RSPH3: variants seen among roughly 807,000 people sequenced by gnomAD.
RSPH3 encodes radial spoke head protein 3 homolog.
A neutral mutation model predicts 43.8 loss-of-function variants in RSPH3; 21 were observed. That is an observed-to-expected ratio of 0.48 (90% CI 0.34 to 0.69). The LOEUF is 0.69. RSPH3 is among the 30% of genes least tolerant of loss of function. RSPH3 has a pLI of 0.01. For missense variants in RSPH3, 487 were observed against 516.0 expected, an observed-to-expected ratio of 0.94 and a Z score of 0.54; for synonymous variants, 173 against 179.8, an observed-to-expected ratio of 0.96 and a Z score of 0.30.
At chr6:158,993,339 A>G (rs962825811) in intron 2 of RSPH3, among the ~76,000 whole-genome samples, 1 of 150,074 alleles carries the variant, frequency 6.7e-6, no homozygotes, top group Non-Finnish European at 1.5e-5. Context: ...AATGGTCTTG[A>G]TCTCCTGACC....
intron 1 of RSPH3, among the ~76,000 whole-genome samples, chr6:158,997,669 A>T (rs1273424919): frequency 1.3e-5 from 2 of 152,194 alleles, no homozygotes; most frequent in African/African-American, 2.4e-5. Flanking sequence ...ATCAACTATC[A>T]AAAAAGTTGT....
intron 3 of RSPH3, among the ~76,000 whole-genome samples, chr6:158,985,916 C>T (rs547693572): frequency 2.0e-5 from 3 of 151,080 alleles, no homozygotes; most frequent in African/African-American, 4.9e-5. Flanking sequence ...CGGGTTCAAG[C>T]GATTCTCCTG....
Position 158,992,050 on chromosome 6 carries a change from G to GTTTT in RSPH3, c.204+1785_204+1788dup, listed in dbSNP as rs1214613827. Among the ~76,000 whole-genome samples the GTTTT allele has an allele frequency of 6.6e-4, 75 of 113,790 alleles. 1 individual carries two copies. Among genetic ancestry groups the GTTTT allele is most frequent in the East Asian group, 2.1e-3 (8 of 3,740 alleles). The allele number at this position is 113,790 out of a possible 152,430, so 74.7% of individuals were successfully genotyped here. The stretch of plus-strand genomic sequence containing the variant: ...TCCCAACTGTAGGCTAATGAGCACT[G>GTTTT]TTTTTTTTTTTTTTTTTTTTGTAGA... On this transcript the variant is annotated intron_variant, in intron 2 of 7. Transcript: ENST00000367069.
At chr6:158,982,045 G>A (rs1778048018) in intron 5 of RSPH3, among the ~76,000 whole-genome samples, 2 of 152,034 alleles carry the variant, frequency 1.3e-5, no homozygotes, top group African/African-American at 2.4e-5. Flanking sequence ...CCTGGTCACC[G>A]AGAAAAAGAA....
chr6:158,967,063 G>C, the RSPH3 span, among the ~76,000 whole-genome samples: 2 of 151,686 alleles, frequency 1.3e-5, no homozygotes, highest in African/African-American at 4.9e-5. Flanking sequence ...AAGCTGGAGT[G>C]CAGTGGTATG....
At chr6:158,966,204 T>C in the RSPH3 span, among the ~76,000 whole-genome samples, 3 of 152,190 alleles carry the variant, frequency 2.0e-5, no homozygotes, top group Non-Finnish European at 4.4e-5. Context: ...TCCCACTTGG[T>C]CATCCTTTTC....
the RSPH3 span, among the ~76,000 whole-genome samples, chr6:158,965,635 T>A: frequency 6.6e-6 from 1 of 152,150 alleles, no homozygotes; most frequent in South Asian, 2.1e-4. Context: ...ATTGATTTTG[T>A]GGTCTGCAAA....
At chr6:158,995,635 C>A (rs141456028) in intron 1 of RSPH3, among the ~76,000 whole-genome samples, 2,727 of 152,222 alleles carry the variant, frequency 0.018, 35 homozygotes, top group Non-Finnish European at 0.024. Flanking sequence ...CACTCTGTCA[C>A]CCAGGCTGGA....
the RSPH3 span, among the ~76,000 whole-genome samples, chr6:158,967,202 C>T: frequency 6.6e-6 from 1 of 151,836 alleles, no homozygotes; most frequent in East Asian, 1.9e-4. Context: ...TTTGTAGAAA[C>T]AGGGTTTTGC....
chr6:158,978,374 A>G (rs776101230), intron 6 of RSPH3, 28 bp from the exon 7 acceptor site: 8 of 1,100,814 alleles, frequency 7.3e-6, no homozygotes, highest in Admixed American at 1.8e-5. Context: ...ATTGATTTTC[A>G]TGTATTATCA....
Position 158,999,611 on chromosome 6 carries a change from G to T in RSPH3, c.-61C>A. On this transcript the variant is annotated 5_prime_UTR_variant, in exon 1 of 8. Coordinates refer to ENST00000367069, the MANE Select transcript of RSPH3 (RefSeq NM_031924.8). ...TGGCTTTGAAGCAGGTGGGCGCTAA[G>T]GTGTTGTGGGACCCGGAGAGATGTA... 1 of 1,613,098 alleles carries T rather than the reference G, an allele frequency of 6.2e-7. No homozygotes were observed. Among genetic ancestry groups the T allele is most frequent in the Non-Finnish European group, 8.5e-7 (1 of 1,179,270 alleles).
chr6:158,964,862 GATGTCATATATAAGAAACC>G, the RSPH3 span, among the ~76,000 whole-genome samples: 1 of 152,006 alleles, frequency 6.6e-6, no homozygotes, highest in African/African-American at 2.4e-5. Context: ...TTGTGCTTTT[GATGTCATATATAAGAAACC>G]ATTGTCTAAT....
chr6:158,999,421 G>A lies in RSPH3; in HGVS notation c.116+14C>T, dbSNP rs140073925. On this transcript the variant is annotated intron_variant, in intron 1 of 7. Transcript: ENST00000367069. Reference sequence around the variant, plus strand: ...GCAAGTATGGACCACACAGGGGCTGGCTTGGTCACTCACGGCTGCGTCAGG... The same window carrying A: ...GCAAGTATGGACCACACAGGGGCTGACTTGGTCACTCACGGCTGCGTCAGG... The A allele has an allele frequency of 1.3e-4, 196 of 1,499,398 alleles. 1 individual carries two copies. The African/African-American group carries it at 2.4e-3, about 18-fold the overall frequency. The allele number at this position is 1,499,398 out of a possible 1,614,324, so 92.9% of individuals were successfully genotyped here.
intron 6 of RSPH3, 43 bp from the exon 7 acceptor site, chr6:158,978,389 A>G: frequency 1.0e-6 from 1 of 970,618 alleles, no homozygotes; most frequent in Non-Finnish European, 1.6e-6. Flanking sequence ...TTATCAGAGG[A>G]ATAATGCGCT....
intron 7 of RSPH3, 136 bp downstream of exon 7, chr6:158,978,123 AT>A (rs1195023256): frequency 1.5e-6 from 1 of 659,356 alleles, no homozygotes; most frequent in Non-Finnish European, 2.6e-6. Flanking sequence ...GAGGGTAAAA[AT>A]TTGCACTTTT....
Position 158,986,284 on chromosome 6 carries a change from T to C in RSPH3, c.342A>G (p.Gln114=), listed in dbSNP as rs1246010448. The change falls in exon 3 of 8, where the codon CAA becomes CAG. Residue 114 remains glutamine (Q), a synonymous_variant. Coordinates refer to ENST00000367069, the MANE Select transcript of RSPH3 (RefSeq NM_031924.8). The part of the protein sequence containing the change: ...PVEGRKHVDV[Q]TELYLEEIAD... Reference sequence around the variant, plus strand: ...GCCAAGGGCACAGTCACACACCTGTTTGCACATCGACATGCTTTCTGCCTT... The same window carrying C: ...GCCAAGGGCACAGTCACACACCTGTCTGCACATCGACATGCTTTCTGCCTT... 4 of 1,613,698 alleles carry C rather than the reference T, an allele frequency of 2.5e-6. No homozygotes were observed. Among genetic ancestry groups the C allele is most frequent in the African/African-American group, 2.7e-5 (2 of 74,908 alleles).
chr6:158,980,704 T>C (rs1778003860), intron 6 of RSPH3, 70 bp downstream of exon 6: 1 of 1,229,582 alleles, frequency 8.1e-7, no homozygotes, highest in Non-Finnish European at 1.2e-6. Context: ...AAAATGGACA[T>C]AAGATAAATT....
chr6:158,992,266 C>A (rs1406952161), intron 2 of RSPH3, among the ~76,000 whole-genome samples: 2 of 152,018 alleles, frequency 1.3e-5, no homozygotes, highest in African/African-American at 2.4e-5. Context: ...AATTCCTTAA[C>A]CTTCTAGGTT....
rs140867286 is a variant in RSPH3, at chr6:158,999,480, G to A, written c.71C>T (p.Ala24Val). Residue 24 changes from alanine (A) to valine (V), a missense_variant, in exon 1 of 8, where the codon GCA becomes GTA. Physicochemically the swap from Ala to Val is moderately conservative, Grantham distance 64. Transcript: ENST00000367069. ...GTAACGGCTGCGCTGGCAGGGCAGT[G>A]CTCGGGGCCGGCTGGTGTAGGTGTA... ...STYTYTSRPRALPCQRSRYRD... is the reference protein window; with the variant it reads ...STYTYTSRPRVLPCQRSRYRD... 1 of 1,527,924 alleles carries A rather than the reference G, an allele frequency of 6.5e-7. No homozygotes were observed. The highest frequency in any genetic ancestry group is 1.4e-5 in the African/African-American group (1 of 72,378). The allele number at this position is 1,527,924 out of a possible 1,614,324, so 94.6% of individuals were successfully genotyped here.
Sources: allele counts gnomAD v4.1 joint callset (sites outside exome capture counted in the v4.1 genomes callset), GRCh38; gene constraint gnomAD v4.1.1; transcripts MANE v1.5; gene names NCBI Gene and HGNC (gene_info 2026-07-23, HGNC 2026-07-21).